Variants in ZNF407 observed in about 807,000 individuals in gnomAD.
ZNF407 encodes zinc finger protein 407.
In ZNF407, 17 loss-of-function variants were observed where a neutral mutation model predicts 131.2. The observed-to-expected ratio is 0.13, with a 90% CI of 0.09 to 0.19. ZNF407 has a LOEUF of 0.19. Among genes scored for constraint, ZNF407 ranks in the 10% least tolerant of loss-of-function variants. The pLI is 1.00. For missense variants in ZNF407, 2,681 were observed against 2,830.6 expected (o/e 0.95, Z 1.20); for synonymous variants, 1,156 against 1,062.0 (o/e 1.09, Z -1.72).
At chr18:74,979,632 A>G (rs1206675813) in intron 8 of ZNF407, among the ~76,000 whole-genome samples, 3 of 152,232 alleles carry the variant, frequency 2.0e-5, no homozygotes, top group Non-Finnish European at 2.9e-5. Context: ...CATATAAATC[A>G]AAATCATAGG....
intron 8 of ZNF407, among the ~76,000 whole-genome samples, chr18:75,055,932 G>A (rs182887291): frequency 1.6e-4 from 24 of 152,248 alleles, no homozygotes; most frequent in East Asian, 1.2e-3. Context: ...AGAATTTTTC[G>A]GAAATGGTGT....
intron 8 of ZNF407, among the ~76,000 whole-genome samples, chr18:75,005,440 T>G (rs1972897189): frequency 6.6e-6 from 1 of 152,110 alleles, no homozygotes; most frequent in South Asian, 2.1e-4. Flanking sequence ...CTGGCGTATT[T>G]TCATTGAATG....
intron 1 of ZNF407, among the ~76,000 whole-genome samples, chr18:74,622,328 TGAA>T: frequency 6.6e-6 from 1 of 152,268 alleles, no homozygotes; most frequent in African/African-American, 2.4e-5. Flanking sequence ...ACGTGACAGA[TGAA>T]GAAAGAGATG....
intron 8 of ZNF407, among the ~76,000 whole-genome samples, chr18:75,025,716 T>G (rs959535604): frequency 6.6e-6 from 1 of 152,222 alleles, no homozygotes; most frequent in Admixed American, 6.5e-5. Context: ...TGGCTTCTCC[T>G]AATGCTACTT....
At chr18:74,969,759 G>A (rs1373515345) in intron 8 of ZNF407, among the ~76,000 whole-genome samples, 1 of 152,156 alleles carries the variant, frequency 6.6e-6, no homozygotes, top group Non-Finnish European at 1.5e-5. Context: ...ACGGACCTTG[G>A]GGTAGGAGTA....
chr18:74,914,601 G>A (rs1971721778), intron 7 of ZNF407, among the ~76,000 whole-genome samples: 1 of 152,180 alleles, frequency 6.6e-6, no homozygotes, highest in Non-Finnish European at 1.5e-5. Flanking sequence ...TTGGTAGTTT[G>A]CTGTACTAAC....
At chr18:74,874,813 AGCC>A (rs1971133561) in intron 4 of ZNF407, among the ~76,000 whole-genome samples, 1 of 152,112 alleles carries the variant, frequency 6.6e-6, no homozygotes. Context: ...TTTCCTTGAA[AGCC>A]AAACCTGACT....
chr18:74,994,984 G>A (rs1022024681), intron 8 of ZNF407, among the ~76,000 whole-genome samples: 27 of 152,292 alleles, frequency 1.8e-4, no homozygotes, highest in Admixed American at 1.3e-3. Flanking sequence ...GTGACAAGCC[G>A]TGGTTCTGCA....
intron 4 of ZNF407, among the ~76,000 whole-genome samples, chr18:74,799,890 TG>T (rs1339914847): frequency 1.4e-5 from 2 of 145,842 alleles, no homozygotes; most frequent in Non-Finnish European, 3.0e-5. Context: ...TTGCCGTTGT[TG>T]AAAAAAAAAT....
intron 4 of ZNF407, among the ~76,000 whole-genome samples, chr18:74,845,909 GA>G (rs919362115): frequency 1.3e-5 from 2 of 151,322 alleles, no homozygotes; most frequent in African/African-American, 4.9e-5. Flanking sequence ...GTTAATATAG[GA>G]AAAAAAAATC....
intron 3 of ZNF407, among the ~76,000 whole-genome samples, chr18:74,649,747 T>C (rs1480675605): frequency 6.6e-6 from 1 of 152,192 alleles, no homozygotes; most frequent in Non-Finnish European, 1.5e-5. Context: ...CTAATTAGCT[T>C]TAATGTAGCT....
At chr18:74,691,232 T>C (rs999035763) in intron 3 of ZNF407, among the ~76,000 whole-genome samples, 1 of 152,128 alleles carries the variant, frequency 6.6e-6, no homozygotes, top group African/African-American at 2.4e-5. Context: ...TCAGCCGAGA[T>C]TGTGCCATTG....
At chr18:74,901,523 G>A (rs1297461366) in intron 7 of ZNF407, among the ~76,000 whole-genome samples, 2 of 152,164 alleles carry the variant, frequency 1.3e-5, no homozygotes, top group Non-Finnish European at 2.9e-5. Context: ...CCCTGTACTA[G>A]GCTAGCATAG....
At chr18:74,616,540 C>T (rs1983295371) in intron 1 of ZNF407, among the ~76,000 whole-genome samples, 1 of 151,788 alleles carries the variant, frequency 6.6e-6, no homozygotes, top group East Asian at 1.9e-4. Flanking sequence ...ACTCCCTCCA[C>T]CCCTGTACCC....
At chr18:75,062,376 G>T (rs8099137) in intron 8 of ZNF407, 23,707 of 152,126 alleles carry the variant, frequency 0.16, 2,191 homozygotes, top group African/African-American at 0.26. Flanking sequence ...GGCACTGTCC[G>T]GAAGATGGGA....
chr18:74,823,946 G>C (rs1228537884), intron 4 of ZNF407, among the ~76,000 whole-genome samples: 1 of 152,070 alleles, frequency 6.6e-6, no homozygotes, highest in Non-Finnish European at 1.5e-5. Flanking sequence ...TTCTAAAATT[G>C]ATCACATAAT....
In ZNF407 at chr18:74,877,316, C is replaced by T; in HGVS notation, c.4997C>T (p.Ser1666Leu). The T allele has an allele frequency of 6.2e-7, 1 of 1,613,862 alleles. No homozygotes were observed. The change falls in exon 5 of 9, where the codon TCA (serine) becomes TTA (leucine). Residue 1666 changes from serine to leucine, a missense_variant. Coordinates refer to ENST00000299687, the MANE Select transcript of ZNF407 (RefSeq NM_017757.3). Reference sequence around the variant, plus strand: ...TGTACCTGGCCCACGTGCCATTACTCATTCCTCACAGCCTCCGCAATGAAA... The same window carrying T: ...TGTACCTGGCCCACGTGCCATTACTTATTCCTCACAGCCTCCGCAATGAAA... Reference protein sequence around the residue: ...FKCTWPTCHYSFLTASAMKDH... With the variant: ...FKCTWPTCHYLFLTASAMKDH...
rs61019062 is a variant in ZNF407 at position 74,915,404 on chromosome 18, A to AGT, written c.5250-5090_5250-5089dup. Among the ~76,000 whole-genome samples, 173 of 105,868 alleles carry AGT rather than the reference A, an allele frequency of 1.6e-3. 1 individual carries two copies. The highest frequency in any genetic ancestry group is 6.3e-3 in the African/African-American group (158 of 25,222). The allele number at this position is 105,868 out of a possible 152,430, so 69.5% of individuals were successfully genotyped here. On this transcript the variant is annotated intron_variant, in intron 7 of 8. Coordinates refer to ENST00000299687, the MANE Select transcript of ZNF407 (RefSeq NM_017757.3). ...GTATGCAGCATTGGTTCGAATCAGG[A>AGT]GTGTGTGTGTGTGTGTGTGTGCATG...
intron 8 of ZNF407, among the ~76,000 whole-genome samples, chr18:75,038,760 C>T (rs1973339373): frequency 6.6e-6 from 1 of 152,184 alleles, no homozygotes; most frequent in Non-Finnish European, 1.5e-5. Flanking sequence ...ATTTAAAATC[C>T]ATGTTTCAAT....
Sources: gnomAD v4.1 joint callset for allele counts (sites outside exome capture counted in the v4.1 genomes callset) on GRCh38, gnomAD v4.1.1 for gene constraint, MANE v1.5 for transcripts, NCBI Gene and HGNC (gene_info 2026-07-23, HGNC 2026-07-21) for gene names.